The following NRXN3 variants were observed in gnomAD, a reference collection of about 807,000 sequenced individuals.
NRXN3 encodes the protein neurexin 3.
In NRXN3, 32 loss-of-function variants were observed where a neutral mutation model predicts 137.6. That is an observed-to-expected ratio of 0.23 (90% CI 0.18 to 0.31). The LOEUF is 0.31. NRXN3 is among the 10% of genes least tolerant of loss of function. The pLI, the probability that NRXN3 is intolerant of heterozygous loss-of-function variation, is 1.00. For missense variants in NRXN3, 1,574 were observed against 2,062.5 expected, an observed-to-expected ratio of 0.76 and a Z score of 4.59; for synonymous variants, 798 against 784.5, an observed-to-expected ratio of 1.02 and a Z score of -0.29.
chr14:78,855,474 T>C (rs2099054550), intron 10 of NRXN3, among the ~76,000 whole-genome samples: 1 of 152,166 alleles, frequency 6.6e-6, no homozygotes, highest in Non-Finnish European at 1.5e-5. Flanking sequence ...CCAATGCCTG[T>C]TCTATGTGTT....
At chr14:78,249,737 T>C (rs2153460246) in intron 2 of NRXN3, among the ~76,000 whole-genome samples, 1 of 152,312 alleles carries the variant, frequency 6.6e-6, no homozygotes, top group South Asian at 2.1e-4. Context: ...TTTATATTCA[T>C]TGGCTCATCT....
At chr14:78,249,374 A>C (rs896552376) in intron 2 of NRXN3, among the ~76,000 whole-genome samples, 1 of 152,222 alleles carries the variant, frequency 6.6e-6, no homozygotes, top group Non-Finnish European at 1.5e-5. Context: ...CCGGGGGCTA[A>C]TTATTTTCAA....
chr14:79,460,643 C>T (rs887383491), intron 15 of NRXN3, among the ~76,000 whole-genome samples: 27 of 152,080 alleles, frequency 1.8e-4, no homozygotes, highest in African/African-American at 6.5e-4. Flanking sequence ...TCTGTAGATC[C>T]TAGAAAGTAA....
rs2098558202 is a variant in NRXN3 at position 79,666,613 on chromosome 14, G to T, written c.3616+2664G>T. The stretch of plus-strand genomic sequence containing the variant: ...AGATTTTTCTGTTTCCAATTGGGCA[G>T]TTTTCACTATTGCTCCCCCAGAGAA... On this transcript the variant is annotated intron_variant, in intron 17 of 20. Coordinates refer to ENST00000335750, the MANE Select transcript of NRXN3 (RefSeq NM_001330195.2). 1.3e-5 allele frequency among the ~76,000 whole-genome samples: 2 copies of T among 152,136 alleles called. 1 individual carries two copies. The highest frequency in any genetic ancestry group is 3.9e-4 in the East Asian group (2 of 5,148).
chr14:79,324,625 A>G (rs2090574685), intron 15 of NRXN3, among the ~76,000 whole-genome samples: 1 of 152,218 alleles, frequency 6.6e-6, no homozygotes, highest in Admixed American at 6.5e-5. Context: ...GTGGGCAGGT[A>G]GATTTGGTCA....
At chr14:79,668,411 C>A (rs898135855) in intron 17 of NRXN3, among the ~76,000 whole-genome samples, 6 of 151,978 alleles carry the variant, frequency 3.9e-5, no homozygotes, top group Admixed American at 2.0e-4. Flanking sequence ...CCTGCCATAC[C>A]CATTTTAAGG....
chr14:79,308,051 T>C (rs750915561), intron 15 of NRXN3, among the ~76,000 whole-genome samples: 6 of 152,092 alleles, frequency 3.9e-5, no homozygotes, highest in Non-Finnish European at 7.4e-5. Context: ...TGTGTCCTAA[T>C]CACCTCTTCA....
At chr14:79,648,699 C>A (rs1326029600) in intron 16 of NRXN3, among the ~76,000 whole-genome samples, 1 of 151,198 alleles carries the variant, frequency 6.6e-6, no homozygotes, top group Non-Finnish European at 1.5e-5. Flanking sequence ...GACTTCTGGT[C>A]CTCTATCTGC....
chr14:79,021,740 A>G (rs2099590011), intron 15 of NRXN3, among the ~76,000 whole-genome samples: 2 of 152,192 alleles, frequency 1.3e-5, no homozygotes, highest in Admixed American at 1.3e-4. Flanking sequence ...GCAGTGCCTA[A>G]ACACCGGAAG....
chr14:79,779,341 G>A (rs1049637875), intron 19 of NRXN3, among the ~76,000 whole-genome samples: 4 of 152,116 alleles, frequency 2.6e-5, no homozygotes, highest in East Asian at 1.9e-4. Context: ...TCGAACTCCC[G>A]ACCTCAGGTG....
At chr14:79,854,910 A>T (rs2099399315) in intron 20 of NRXN3, among the ~76,000 whole-genome samples, 1 of 152,180 alleles carries the variant, frequency 6.6e-6, no homozygotes, top group African/African-American at 2.4e-5. Context: ...AGATATCAAG[A>T]ATCCCAGGTG....
chr14:78,562,866 A>T (rs2096800059), intron 4 of NRXN3, among the ~76,000 whole-genome samples: 3 of 152,268 alleles, frequency 2.0e-5, no homozygotes, highest in African/African-American at 7.2e-5. Context: ...CATTTTGTCT[A>T]ACAAAGAGTG....
intron 4 of NRXN3, among the ~76,000 whole-genome samples, chr14:78,387,586 C>T (rs561188878): frequency 1.2e-3 from 184 of 152,288 alleles, no homozygotes; most frequent in African/African-American, 3.8e-3. Context: ...CTGGCTGAGA[C>T]GTGGCCTAAT....
chr14:79,367,329 C>T (rs754626502), intron 15 of NRXN3, among the ~76,000 whole-genome samples: 3 of 152,200 alleles, frequency 2.0e-5, no homozygotes, highest in Non-Finnish European at 4.4e-5. Context: ...GATTGACAAC[C>T]ATGTGGGTAG....
chr14:78,761,944 T>C (rs1228274509), intron 8 of NRXN3, among the ~76,000 whole-genome samples: 3 of 152,212 alleles, frequency 2.0e-5, no homozygotes, highest in Non-Finnish European at 4.4e-5. Flanking sequence ...ATTCTCATAA[T>C]AGTTTGTATC....
chr14:78,412,229 A>G (rs1450464586), intron 4 of NRXN3, among the ~76,000 whole-genome samples: 5 of 152,298 alleles, frequency 3.3e-5, no homozygotes, highest in East Asian at 1.9e-4. Context: ...TGTGAGCCCA[A>G]TAAGGTCTGT....
intron 10 of NRXN3, among the ~76,000 whole-genome samples, chr14:78,856,208 C>G (rs995875028): frequency 6.6e-6 from 1 of 152,174 alleles, no homozygotes; most frequent in Non-Finnish European, 1.5e-5. Context: ...GGAAACTGGA[C>G]TTCAATACCA....
At chr14:78,524,528 A>G (rs890058984) in intron 4 of NRXN3, among the ~76,000 whole-genome samples, 1 of 152,190 alleles carries the variant, frequency 6.6e-6, no homozygotes, top group Non-Finnish European at 1.5e-5. Flanking sequence ...CCTAAGACCG[A>G]TTGAATCAGG....
At chr14:78,532,271 A>G (rs2096474936) in intron 4 of NRXN3, among the ~76,000 whole-genome samples, 1 of 151,858 alleles carries the variant, frequency 6.6e-6, no homozygotes, top group Admixed American at 6.6e-5. Context: ...TGGTGAGCCA[A>G]GATCGCGCCA....
Sources: allele counts gnomAD v4.1 joint callset (sites outside exome capture counted in the v4.1 genomes callset), GRCh38; gene constraint gnomAD v4.1.1; transcripts MANE v1.5; gene names NCBI Gene and HGNC (gene_info 2026-07-23, HGNC 2026-07-21).